Variants in LCOR observed in about 807,000 individuals in gnomAD.
LCOR encodes ligand dependent nuclear receptor corepressor.
In LCOR, 14 loss-of-function variants were observed where a neutral mutation model predicts 64.4. The observed-to-expected ratio is 0.22, with a 90% confidence interval of 0.14 to 0.34. The LOEUF (loss-of-function observed/expected upper bound fraction) is 0.34, where lower values mean the gene tolerates loss of function less well. Ranked by LOEUF, LCOR falls within the 10% of genes least tolerant of loss-of-function variation. The pLI is 1.00. For missense variants in LCOR, 1,686 were observed against 1,765.3 expected, an observed-to-expected ratio of 0.96 and a Z score of 0.80; for synonymous variants, 643 against 642.5, an observed-to-expected ratio of 1.00 and a Z score of -0.01.
rs960748723 is a variant in LCOR at position 96,849,469 on chromosome 10, C to G, written c.-330+15990C>G. ...AGGTGATTGGCCCGCCTCGGCCTCC[C>G]GAAGTGCTGTGATTGCAGCCGCGAG... On this transcript the variant is annotated intron_variant, in intron 2 of 7. Transcript: ENST00000421806. Among the ~76,000 whole-genome samples, 18 of 152,282 alleles carry G rather than the reference C, an allele frequency of 1.2e-4. No homozygotes were observed. In the South Asian group the frequency reaches 1.5e-3, roughly 12 times the overall value.
At chr10:96,850,616 A>G (rs968729122) in intron 2 of LCOR, among the ~76,000 whole-genome samples, 3 of 151,978 alleles carry the variant, frequency 2.0e-5, no homozygotes, top group East Asian at 3.9e-4. Context: ...CCTCCTGAGT[A>G]TGGGACTACA....
Position 96,928,474 on chromosome 10 carries a change from G to A in LCOR, c.-183-15639G>A, listed in dbSNP as rs1206497798. Among the ~76,000 whole-genome samples, 5 of 151,972 alleles carry A rather than the reference G, an allele frequency of 3.3e-5. No homozygotes were observed. The East Asian group carries it at 7.7e-4, about 23-fold the overall frequency. ...TCTTCACCCTTTCAAGTTTTGTCAC[G>A]AGATTGCAGCAATTAAGTTACATCT... On this transcript the variant is annotated intron_variant, in intron 4 of 7. Transcript: ENST00000421806.
At chr10:96,902,416 C>G (rs1846655812) in intron 2 of LCOR, among the ~76,000 whole-genome samples, 1 of 152,036 alleles carries the variant, frequency 6.6e-6, no homozygotes, top group Non-Finnish European at 1.5e-5. Flanking sequence ...ATGTAGTTCT[C>G]TAATAATGAA....
At chr10:96,857,086 A>G (rs1414806798) in intron 2 of LCOR, among the ~76,000 whole-genome samples, 1 of 146,412 alleles carries the variant, frequency 6.8e-6, no homozygotes, top group East Asian at 1.9e-4. Flanking sequence ...AGATATATAT[A>G]TGTATATATA....
In LCOR at chr10:96,984,432, A is replaced by G. The variant is rs1848127004; in HGVS notation, c.3972A>G (p.Gln1324=). 7.4e-6 allele frequency: 12 copies of G among 1,614,236 alleles called. No individual in the cohort carries two copies. The highest frequency in any genetic ancestry group is 2.2e-5 in the East Asian group (1 of 44,890). The change falls in exon 8 of 8, where the codon CAA becomes CAG. Residue 1324 remains glutamine (Q), a synonymous_variant. Transcript: ENST00000421806. ...TTCGAGGAAAGCTCAGAGCCCAGCAACGTTTAATCAAGAATGAGAAAATGG... is the reference window on the plus strand; with the variant it reads ...TTCGAGGAAAGCTCAGAGCCCAGCAGCGTTTAATCAAGAATGAGAAAATGG... The part of the protein sequence containing the change: ...SNIRGKLRAQ[Q]RLIKNEKMEC...
intron 6 of LCOR, among the ~76,000 whole-genome samples, chr10:96,951,740 T>C (rs947679351): frequency 1.7e-4 from 26 of 152,164 alleles, no homozygotes; most frequent in African/African-American, 6.3e-4. Flanking sequence ...CATTAAAAAC[T>C]TGTATGCTTT....
At chr10:96,847,906 G>A (rs1014740252) in intron 2 of LCOR, among the ~76,000 whole-genome samples, 2 of 152,072 alleles carry the variant, frequency 1.3e-5, no homozygotes, top group Admixed American at 6.6e-5. Flanking sequence ...TTGAAGACCC[G>A]GTTTTTGCCT....
intron 2 of LCOR, among the ~76,000 whole-genome samples, chr10:96,860,864 A>G (rs1845876723): frequency 2.0e-5 from 3 of 152,228 alleles, no homozygotes; most frequent in Admixed American, 2.0e-4. Flanking sequence ...AAACTAATAG[A>G]AGAAATAAAG....
rs1491204310 is a variant in LCOR at position 96,989,696 on chromosome 10, T to TATATATATATA, written c.*4562_*4563insATATATATATA. ...AAGGATATATATATATATATATATATTTTTTTTTTTTTTTTTTTTTTTTAA... is the reference window on the plus strand; with the variant it reads ...AAGGATATATATATATATATATATATATATATATATATTTTTTTTTTTTTTTTTTTTTTTAA... On this transcript the variant is annotated 3_prime_UTR_variant, in exon 8 of 8. Coordinates refer to ENST00000421806, the MANE Select transcript of LCOR (RefSeq NM_001346516.2). 115 of 64,464 alleles carry TATATATATATA rather than the reference T, an allele frequency of 1.8e-3. No individual in the cohort carries two copies. Among genetic ancestry groups the TATATATATATA allele is most frequent in the Non-Finnish European group, 2.1e-3 (85 of 39,868 alleles). 4.0% of individuals were successfully genotyped at this position (64,464 alleles called of 1,614,324 possible). A position where few individuals can be genotyped will look rare whatever the true frequency, so the allele number is the denominator to read the frequency against.
At chr10:96,945,397 C>A (rs1847570009) in intron 5 of LCOR, among the ~76,000 whole-genome samples, 1 of 152,062 alleles carries the variant, frequency 6.6e-6, no homozygotes, top group East Asian at 1.9e-4. Context: ...TTCTGTGGCA[C>A]TTTTTTTCCC....
chr10:96,836,895 C>G (rs1191719394), intron 2 of LCOR, among the ~76,000 whole-genome samples: 1 of 152,044 alleles, frequency 6.6e-6, no homozygotes, highest in African/African-American at 2.4e-5. Context: ...TGTTAGGCAA[C>G]TTGCAGTTTG....
intron 7 of LCOR, chr10:96,957,777 T>C (rs1388368409): frequency 2.0e-6 from 2 of 985,406 alleles, no homozygotes; most frequent in Admixed American, 6.2e-5. Flanking sequence ...CTAAAATACA[T>C]GCACTGCTCA....
chr10:96,842,343 G>A (rs1296159545), intron 2 of LCOR, among the ~76,000 whole-genome samples: 2 of 152,040 alleles, frequency 1.3e-5, no homozygotes, highest in African/African-American at 2.4e-5. Flanking sequence ...GCAGTGAGCC[G>A]AGATTGCGCC....
In LCOR at chr10:96,984,633, T is replaced by C; in HGVS notation, c.4173T>C (p.Pro1391=). ...RKGKQVSEIL[P]KAEVQSKRKR... ...GGAAGCAGGTGTCTGAAATCTTGCC[T>C]AAAGCAGAAGTTCAGAGTAAACGCA... Residue 1391 remains proline (P), a synonymous_variant, in exon 8 of 8, where the codon CCT becomes CCC. Coordinates refer to ENST00000421806, the MANE Select transcript of LCOR (RefSeq NM_001346516.2). The C allele has an allele frequency of 2.5e-6, 4 of 1,614,178 alleles. No homozygotes were observed. Among genetic ancestry groups the C allele is most frequent in the Non-Finnish European group, 3.4e-6 (4 of 1,180,030 alleles).
At chr10:96,881,333 T>C (rs1256750932) in intron 2 of LCOR, among the ~76,000 whole-genome samples, 2 of 152,234 alleles carry the variant, frequency 1.3e-5, no homozygotes, top group East Asian at 3.8e-4. Flanking sequence ...AGTTTAATGA[T>C]GGTTAACTGG....
intron 4 of LCOR, among the ~76,000 whole-genome samples, chr10:96,917,772 A>G (rs1195045576): frequency 3.3e-5 from 5 of 152,200 alleles, no homozygotes; most frequent in African/African-American, 1.2e-4. Flanking sequence ...TCTGGAATAA[A>G]GAGTTGTCGA....
At chr10:96,951,149 T>C (rs1412163339) in intron 6 of LCOR, among the ~76,000 whole-genome samples, 3 of 152,152 alleles carry the variant, frequency 2.0e-5, no homozygotes, top group African/African-American at 7.2e-5. Flanking sequence ...TTAAAGACAT[T>C]GTGTATTATC....
At chr10:96,858,286 G>A (rs559143410) in intron 2 of LCOR, among the ~76,000 whole-genome samples, 2 of 152,146 alleles carry the variant, frequency 1.3e-5, no homozygotes, top group Non-Finnish European at 2.9e-5. Context: ...TTTCCTTTTT[G>A]TTCAGAGCAT....
At chr10:96,876,514 C>T (rs1168186286) in intron 2 of LCOR, among the ~76,000 whole-genome samples, 1 of 151,852 alleles carries the variant, frequency 6.6e-6, no homozygotes, top group Non-Finnish European at 1.5e-5. Flanking sequence ...TGACAAAAGC[C>T]ATATAATTAA....
Sources: allele counts gnomAD v4.1 joint callset (sites outside exome capture counted in the v4.1 genomes callset), GRCh38; gene constraint gnomAD v4.1.1; transcripts MANE v1.5; gene names NCBI Gene and HGNC (gene_info 2026-07-23, HGNC 2026-07-21).